Variants in GRID1 observed in about 807,000 individuals in gnomAD.
GRID1 encodes glutamate ionotropic receptor delta type subunit 1.
Under a neutral mutation model 98.0 loss-of-function variants are expected in GRID1, and 28 were observed. The observed-to-expected ratio is 0.29, with a 90% CI of 0.21 to 0.39. The LOEUF (loss-of-function observed/expected upper bound fraction) is 0.39, where lower values mean the gene tolerates loss of function less well. GRID1 is among the 10% of genes least tolerant of loss of function. GRID1 has a pLI of 1.00. For missense variants in GRID1, 1,111 were observed against 1,340.5 expected (o/e 0.83, Z 2.67); for synonymous variants, 553 against 538.5 (o/e 1.03, Z -0.37).
intron 2 of GRID1, among the ~76,000 whole-genome samples, chr10:86,337,482 C>T (rs1399852269): frequency 2.0e-5 from 3 of 152,144 alleles, no homozygotes; most frequent in Non-Finnish European, 4.4e-5. Flanking sequence ...CTCGGGGAGG[C>T]ACTGACCCTC....
chr10:86,211,414 C>A (rs920983247), intron 2 of GRID1, among the ~76,000 whole-genome samples: 4 of 152,208 alleles, frequency 2.6e-5, no homozygotes, highest in Non-Finnish European at 5.9e-5. Context: ...TTCCAGCCCC[C>A]CCACCTGCAC....
At chr10:85,634,410 T>C (rs1843013227) in intron 13 of GRID1, among the ~76,000 whole-genome samples, 1 of 151,942 alleles carries the variant, frequency 6.6e-6, no homozygotes, top group Non-Finnish European at 1.5e-5. Flanking sequence ...GAACACCCCA[T>C]CCCGGTGGAA....
intron 4 of GRID1, among the ~76,000 whole-genome samples, chr10:85,973,527 C>A (rs1425862645): frequency 6.6e-6 from 1 of 152,082 alleles, no homozygotes; most frequent in Non-Finnish European, 1.5e-5. Flanking sequence ...TCTGTTTGTA[C>A]CAGTGTTTCT....
intron 12 of GRID1, among the ~76,000 whole-genome samples, chr10:85,657,827 T>A (rs1028271832): frequency 3.3e-5 from 5 of 152,138 alleles, no homozygotes; most frequent in African/African-American, 1.2e-4. Context: ...GAAATCAGCA[T>A]CCACCAATTG....
At chr10:85,984,742 C>T (rs924391503) in intron 4 of GRID1, among the ~76,000 whole-genome samples, 1 of 152,102 alleles carries the variant, frequency 6.6e-6, no homozygotes, top group African/African-American at 2.4e-5. Flanking sequence ...AGCAACTGAT[C>T]AAGACTCCTA....
In GRID1 at chr10:85,628,703, C is replaced by A. The variant is rs78503099; in HGVS notation, c.2194-8670G>T. ...TTATCCAGATCAGACTCTGGACCAG[C>A]AAAAGGAGGCAAACCAGGACAGGCT... On this transcript the variant is annotated intron_variant, in intron 13 of 15. Transcript: ENST00000327946. Among the ~76,000 whole-genome samples the A allele has an allele frequency of 2.4e-3, 369 of 152,206 alleles. 2 individuals are homozygous for A. Among genetic ancestry groups the A allele is most frequent in the African/African-American group, 8.7e-3 (360 of 41,522 alleles).
chr10:85,695,420 G>A (rs1251643159), intron 12 of GRID1, among the ~76,000 whole-genome samples: 1 of 152,152 alleles, frequency 6.6e-6, no homozygotes, highest in Non-Finnish European at 1.5e-5. Context: ...ACTATATTGT[G>A]TATGCATAAG....
intron 4 of GRID1, among the ~76,000 whole-genome samples, chr10:86,114,580 C>T (rs555817024): frequency 6.6e-6 from 1 of 152,244 alleles, no homozygotes; most frequent in South Asian, 2.1e-4. Flanking sequence ...ACAGCTTGAC[C>T]CCCGAAGGTC....
At chr10:85,619,835 G>C (rs765327532) in intron 14 of GRID1, 32 bp downstream of exon 14, 6 of 1,576,474 alleles carry the variant, frequency 3.8e-6, no homozygotes, top group Non-Finnish European at 5.2e-6. Context: ...GAGTCCTGAG[G>C]CAGCGGTAGT....
At chr10:85,678,331 G>A (rs1026563907) in intron 12 of GRID1, among the ~76,000 whole-genome samples, 1 of 152,148 alleles carries the variant, frequency 6.6e-6, no homozygotes, top group African/African-American at 2.4e-5. Flanking sequence ...AAAGACCAAA[G>A]GCTGGACATA....
chr10:85,713,641 A>C (rs575331893), intron 12 of GRID1, among the ~76,000 whole-genome samples: 2 of 151,618 alleles, frequency 1.3e-5, no homozygotes, highest in Admixed American at 1.3e-4. Flanking sequence ...TAAAAAAAAA[A>C]AAAACATATC....
intron 2 of GRID1, among the ~76,000 whole-genome samples, chr10:86,352,129 C>T (rs1051121521): frequency 2.0e-5 from 3 of 152,186 alleles, no homozygotes; most frequent in Non-Finnish European, 4.4e-5. Flanking sequence ...GGTGAAACCC[C>T]GTCTCTACTA....
chr10:86,135,598 G>T (rs1015897875), intron 4 of GRID1, among the ~76,000 whole-genome samples: 2 of 152,076 alleles, frequency 1.3e-5, no homozygotes, highest in Non-Finnish European at 2.9e-5. Flanking sequence ...GATGTGAGGG[G>T]TCTCTAGGTG....
chr10:85,666,939 C>G (rs1024052322), intron 12 of GRID1, among the ~76,000 whole-genome samples: 1 of 152,146 alleles, frequency 6.6e-6, no homozygotes, highest in Admixed American at 6.5e-5. Context: ...CAGGCCTGAC[C>G]GAGTTGAGCC....
chr10:86,317,381 T>A (rs1226321457), intron 2 of GRID1, among the ~76,000 whole-genome samples: 1 of 152,250 alleles, frequency 6.6e-6, no homozygotes, highest in Non-Finnish European at 1.5e-5. Context: ...TCTGTGGACC[T>A]GTGAGTTTCT....
rs574610452 is a variant in GRID1 at position 85,797,467 on chromosome 10, T to C, written c.1233+57029A>G. Among the ~76,000 whole-genome samples, 59 of 152,284 alleles carry C rather than the reference T, an allele frequency of 3.9e-4. No individual in the cohort carries two copies. The South Asian group carries it at 0.011, about 29-fold the overall frequency. On this transcript the variant is annotated intron_variant, in intron 8 of 15. Transcript: ENST00000327946. ...TTTTTGAGACCAAGTTTTGCTCTTA[T>C]TGCCCAGGCTGGAGTGCAATGGTGC...
At chr10:85,966,801 G>A (rs1020342209) in intron 4 of GRID1, among the ~76,000 whole-genome samples, 1 of 150,398 alleles carries the variant, frequency 6.6e-6, no homozygotes, top group Admixed American at 6.6e-5. Context: ...GTGACAGAGT[G>A]AGACTCCACC....
chr10:86,301,961 G>A (rs919322054), intron 2 of GRID1, among the ~76,000 whole-genome samples: 4 of 152,166 alleles, frequency 2.6e-5, no homozygotes, highest in African/African-American at 9.7e-5. Flanking sequence ...CCCCAAAAAT[G>A]GGCTCAGACA....
At chr10:85,713,181 A>G (rs758875923) in intron 12 of GRID1, among the ~76,000 whole-genome samples, 3 of 151,662 alleles carry the variant, frequency 2.0e-5, no homozygotes, top group Non-Finnish European at 4.4e-5. Context: ...GACTAAGAAA[A>G]AGGTGGGAAG....
Sources: allele counts gnomAD v4.1 joint callset (sites outside exome capture counted in the v4.1 genomes callset), GRCh38; gene constraint gnomAD v4.1.1; transcripts MANE v1.5; gene names NCBI Gene and HGNC (gene_info 2026-07-23, HGNC 2026-07-21).